Variants in EFNA5 observed in about 807,000 individuals in gnomAD.
EFNA5 encodes the protein ephrin A5.
EFNA5 carries 5 observed loss-of-function variants against 22.9 expected under a neutral mutation model. That is an observed-to-expected ratio of 0.22 (90% CI 0.11 to 0.46). EFNA5 has a LOEUF of 0.46. EFNA5 is among the 20% of genes least tolerant of loss of function. The pLI is 0.99. For synonymous variants in EFNA5, 113 were observed against 112.2 expected, an observed-to-expected ratio of 1.01 and a Z score of -0.04; for missense variants, 237 against 293.3, an observed-to-expected ratio of 0.81 and a Z score of 1.40.
chr5:107,425,730 T>G (rs1438697310), intron 2 of EFNA5, among the ~76,000 whole-genome samples: 1 of 152,212 alleles, frequency 6.6e-6, no homozygotes, highest in Non-Finnish European at 1.5e-5. Context: ...TTAAATTCAA[T>G]TCCAATATAA....
rs188950237 is a variant in EFNA5 at position 107,451,934 on chromosome 5, T to C, written c.126-24425A>G. Among the ~76,000 whole-genome samples, 609 of 152,312 alleles carry C rather than the reference T, an allele frequency of 4.0e-3. 3 individuals carry two copies. The highest frequency in any genetic ancestry group is 0.014 in the African/African-American group (584 of 41,564). ...AAAGACACATGTACACGTATGTTTA[T>C]TGTAGTACTATTTACAATAGCAAAG... On this transcript the variant is annotated intron_variant, in intron 1 of 4. Coordinates refer to ENST00000333274, the MANE Select transcript of EFNA5 (RefSeq NM_001962.3).
intron 1 of EFNA5, among the ~76,000 whole-genome samples, chr5:107,615,305 ATCT>A (rs1749889768): frequency 1.3e-5 from 2 of 152,144 alleles, no homozygotes; most frequent in Admixed American, 1.3e-4. Context: ...TAGGGTTTCA[ATCT>A]TCTCTCTTGG....
rs573760303 is a variant in EFNA5 at position 107,576,235 on chromosome 5, A to C, written c.125+94254T>G. Among the ~76,000 whole-genome samples, 4 of 152,334 alleles carry C rather than the reference A, an allele frequency of 2.6e-5. No homozygotes were observed. The South Asian group carries it at 8.3e-4, about 32-fold the overall frequency. On this transcript the variant is annotated intron_variant, in intron 1 of 4. Transcript: ENST00000333274. ...ATTATCATACTCTTTTTAAGTGAGA[A>C]AAGTTACATCCAGTAGAGGAACTAT...
At chr5:107,467,835 A>G (rs181307661) in intron 1 of EFNA5, among the ~76,000 whole-genome samples, 62 of 152,340 alleles carry the variant, frequency 4.1e-4, no homozygotes, top group African/African-American at 1.3e-3. Flanking sequence ...CCACTGTCCA[A>G]GGTCCTTTCC....
At chr5:107,408,387 T>C (rs1748275487) in intron 2 of EFNA5, among the ~76,000 whole-genome samples, 1 of 152,244 alleles carries the variant, frequency 6.6e-6, no homozygotes, top group Admixed American at 6.5e-5. Flanking sequence ...CTGAAAAGTA[T>C]ATGTAAACTG....
chr5:107,385,919 C>T (rs1442210108), intron 4 of EFNA5, among the ~76,000 whole-genome samples: 8 of 152,078 alleles, frequency 5.3e-5, no homozygotes, highest in African/African-American at 1.2e-4. Flanking sequence ...CTCTCATTTG[C>T]GCTCTGGGTG....
intron 1 of EFNA5, among the ~76,000 whole-genome samples, chr5:107,541,922 G>C: frequency 6.6e-6 from 1 of 152,124 alleles, no homozygotes; most frequent in Non-Finnish European, 1.5e-5. Flanking sequence ...TTGGCAAACA[G>C]ACTACAGTTT....
At chr5:107,541,886 C>A (rs540354810) in intron 1 of EFNA5, among the ~76,000 whole-genome samples, 8 of 152,288 alleles carry the variant, frequency 5.3e-5, no homozygotes, top group African/African-American at 1.9e-4. Flanking sequence ...CTTTAAACAT[C>A]TAAATTATTT....
chr5:107,421,798 T>TTC (rs1554058013), intron 2 of EFNA5, among the ~76,000 whole-genome samples: 9 of 147,594 alleles, frequency 6.1e-5, no homozygotes, highest in African/African-American at 2.2e-4. Context: ...CTTTCTTTCT[T>TTC]TTTTTTTTTT....
At chr5:107,417,018 C>A (rs1428873285) in intron 2 of EFNA5, among the ~76,000 whole-genome samples, 1 of 150,578 alleles carries the variant, frequency 6.6e-6, no homozygotes, top group African/African-American at 2.4e-5. Context: ...AAAAAAAAAT[C>A]AGACAAAGCA....
At chr5:107,463,118 C>A (rs962248489) in intron 1 of EFNA5, among the ~76,000 whole-genome samples, 1 of 152,124 alleles carries the variant, frequency 6.6e-6, no homozygotes, top group Admixed American at 6.6e-5. Context: ...GTCTTTAATT[C>A]AAAGTTAATC....
At chr5:107,461,180 C>G (rs1749826632) in intron 1 of EFNA5, among the ~76,000 whole-genome samples, 2 of 151,938 alleles carry the variant, frequency 1.3e-5, no homozygotes, top group Admixed American at 1.3e-4. Flanking sequence ...CCTTGAAACT[C>G]AAAAATAAAA....
In EFNA5 at chr5:107,656,903, T is replaced by C. The variant is rs533904142; in HGVS notation, c.125+13586A>G. Among the ~76,000 whole-genome samples the C allele has an allele frequency of 2.3e-3, 352 of 152,224 alleles. 3 individuals are homozygous for C. Among genetic ancestry groups the C allele is most frequent in the Non-Finnish European group, 7.6e-4 (52 of 67,980 alleles). On this transcript the variant is annotated intron_variant, in intron 1 of 4. Transcript: ENST00000333274. Reference sequence around the variant, plus strand: ...GACAAGTGACAAATCTAATCTGATATAGGTTTTTTAATATCTTACTTTCTG... The same window carrying C: ...GACAAGTGACAAATCTAATCTGATACAGGTTTTTTAATATCTTACTTTCTG...
intron 1 of EFNA5, among the ~76,000 whole-genome samples, chr5:107,640,267 G>T (rs530997088): frequency 6.6e-6 from 1 of 152,104 alleles, no homozygotes; most frequent in East Asian, 1.9e-4. Context: ...CCTTGACAAG[G>T]ATAGTTTTCA....
intron 1 of EFNA5, among the ~76,000 whole-genome samples, chr5:107,619,276 T>C (rs1374515601): frequency 6.6e-6 from 1 of 151,982 alleles, no homozygotes; most frequent in African/African-American, 2.4e-5. Flanking sequence ...ACCAACAGCA[T>C]TGAGAGAAAC....
intron 1 of EFNA5, among the ~76,000 whole-genome samples, chr5:107,558,978 C>A (rs1297126557): frequency 2.0e-5 from 3 of 152,106 alleles, no homozygotes; most frequent in African/African-American, 7.2e-5. Context: ...TATGTTTAAG[C>A]CAAAAACTGG....
At position 107,551,906 on chromosome 5, in the gene EFNA5, T is replaced by A. The variant is rs571138917; in HGVS notation, c.125+118583A>T. On this transcript the variant is annotated intron_variant, in intron 1 of 4. Coordinates refer to ENST00000333274, the MANE Select transcript of EFNA5 (RefSeq NM_001962.3). ...ACTATAAGCAAAATATGTAAGCTTT[T>A]AAAAAAAAAAGGCTGTTAAAGATTT... Among the ~76,000 whole-genome samples the A allele has an allele frequency of 2.8e-4, 42 of 150,132 alleles. 1 individual carries two copies. The South Asian group carries it at 4.2e-3, about 15-fold the overall frequency.
chr5:107,566,756 T>C (rs1337752325), intron 1 of EFNA5, among the ~76,000 whole-genome samples: 1 of 152,190 alleles, frequency 6.6e-6, no homozygotes, highest in Non-Finnish European at 1.5e-5. Context: ...GCGATACCAT[T>C]TGGGTTTTAG....
chr5:107,572,302 C>A (rs755607458), intron 1 of EFNA5, among the ~76,000 whole-genome samples: 31 of 152,262 alleles, frequency 2.0e-4, no homozygotes, highest in Non-Finnish European at 4.4e-4. Context: ...CAGAGCGAGT[C>A]CCTTGTAAAG....
Sources: allele counts gnomAD v4.1 joint callset (sites outside exome capture counted in the v4.1 genomes callset), GRCh38; gene constraint gnomAD v4.1.1; transcripts MANE v1.5; gene names NCBI Gene and HGNC (gene_info 2026-07-23, HGNC 2026-07-21).